SLC35F5: variants seen among roughly 807,000 people sequenced by gnomAD.
SLC35F5 encodes HCV NS5A-transactivated protein 3.
A neutral mutation model predicts 68.6 loss-of-function variants in SLC35F5; 54 were observed. The observed-to-expected ratio is 0.79, with a 90% CI of 0.63 to 0.99. The LOEUF (loss-of-function observed/expected upper bound fraction) is 0.99, where lower values mean the gene tolerates loss of function less well. SLC35F5 is among the 50% of genes least tolerant of loss of function. The probability of loss-of-function intolerance (pLI) is 0.00; values close to 1 mark genes in which losing one functional copy is unlikely to be tolerated. For synonymous variants in SLC35F5, 211 were observed against 205.2 expected (o/e 1.03, Z -0.24); for missense variants, 567 against 626.9 (o/e 0.90, Z 1.02).
In SLC35F5 at chr2:113,735,270, G is replaced by A. The variant is rs572230305; in HGVS notation, c.832+507C>T. On this transcript the variant is annotated intron_variant, in intron 8 of 15. Coordinates refer to ENST00000245680, the MANE Select transcript of SLC35F5 (RefSeq NM_025181.5). ...ACATAAATAGCACAGGCTAAGGCAT[G>A]AAACTACAGTCATGCTTAACAACAG... Among the ~76,000 whole-genome samples the A allele has an allele frequency of 2.0e-5, 3 of 152,194 alleles. 1 individual carries two copies. The highest frequency in any genetic ancestry group is 4.4e-5 in the Non-Finnish European group (3 of 68,024).
chr2:113,704,823 C>T (rs1374609445), downstream of SLC35F5, among the ~76,000 whole-genome samples: 4 of 152,236 alleles, frequency 2.6e-5, no homozygotes, highest in Middle Eastern at 3.4e-3. Context: ...GAGCCGCCTC[C>T]GGCCTCGGCC....
intron 1 of SLC35F5, 34 bp downstream of exon 1, chr2:113,756,336 C>T (rs1386916797): frequency 1.2e-5 from 19 of 1,560,256 alleles, no homozygotes; most frequent in Admixed American, 1.9e-5. Context: ...GGTTTGGGCT[C>T]CGGTGATGTC....
At chr2:113,703,588 T>C (rs187503583), downstream of SLC35F5, 61 of 152,374 alleles carry the variant, frequency 4.0e-4, no homozygotes, top group African/African-American at 1.3e-3. Context: ...TGAGACATTT[T>C]GGCAGTAATT....
rs995361716 is a variant in SLC35F5 at position 113,714,522 on chromosome 2, T to G, written c.*696A>C. The G allele has an allele frequency of 5.3e-5, 8 of 152,156 alleles. No homozygotes were observed. Among genetic ancestry groups the G allele is most frequent in the African/African-American group, 1.9e-4 (8 of 41,456 alleles). The allele number at this position is 152,156 out of a possible 1,614,324, so 9.4% of individuals were successfully genotyped here. ...ATAGCCTTTAGAAATACATATTTCT[T>G]CATTTTATAATAATACTTCCCCTTT... On this transcript the variant is annotated 3_prime_UTR_variant, in exon 16 of 16. Coordinates refer to ENST00000245680, the MANE Select transcript of SLC35F5 (RefSeq NM_025181.5).
chr2:113,707,823 A>G lies in SLC35F5; in HGVS notation c.*7395T>C, dbSNP rs568276412. On this transcript the variant is annotated 3_prime_UTR_variant, in exon 16 of 16. Transcript: ENST00000245680. ...TGATCCACCCGCCTCGGACTCCCAA[A>G]GTGCTGGGATTACAGGTGTGAGCCA... Among the ~76,000 whole-genome samples the G allele has an allele frequency of 1.3e-5, 2 of 152,304 alleles. No homozygotes were observed. The highest frequency in any genetic ancestry group is 6.5e-5 in the Admixed American group (1 of 15,286).
chr2:113,734,519 C>T, intron 9 of SLC35F5, 67 bp downstream of exon 9: 1 of 884,296 alleles, frequency 1.1e-6, no homozygotes, highest in African/African-American at 1.7e-5. Flanking sequence ...TACCCTGGTG[C>T]CACTATCAGA....
Position 113,717,855 on chromosome 2 carries a change from AG to A in SLC35F5, c.1497-6del. ...TGTTCGCTGTCTTCTGGAACTCTTA[AG>A]AAAAAAAAAAGCAGTAATTAAGGAA... is the stretch of plus-strand genomic sequence containing the variant. On this transcript the variant is annotated splice_polypyrimidine_tract_variant and splice_region_variant and intron_variant, in intron 14 of 15. Transcript: ENST00000245680. 1 of 1,596,118 alleles carries A rather than the reference AG, an allele frequency of 6.3e-7. No homozygotes were observed. The highest frequency in any genetic ancestry group is 8.5e-7 in the Non-Finnish European group (1 of 1,169,954).
intron 10 of SLC35F5, among the ~76,000 whole-genome samples, chr2:113,729,888 AT>A (rs1366845118): frequency 6.6e-6 from 1 of 151,970 alleles, no homozygotes; most frequent in Admixed American, 6.6e-5. Flanking sequence ...AACTTAACAA[AT>A]TTTTTTTCCA....
Position 113,711,870 on chromosome 2 carries a change from CTAAT to C in SLC35F5, c.*3344_*3347del, listed in dbSNP as rs1559306193. ...TTGCTAATATGTGGAAAAAAATTTT[CTAAT>C]TAATTCCTCCTTTATCCTTCTTTAA... On this transcript the variant is annotated 3_prime_UTR_variant, in exon 16 of 16. Coordinates refer to ENST00000245680, the MANE Select transcript of SLC35F5 (RefSeq NM_025181.5). Among the ~76,000 whole-genome samples, 1 of 152,142 alleles carries C rather than the reference CTAAT, an allele frequency of 6.6e-6. No individual in the cohort carries two copies. Among genetic ancestry groups the C allele is most frequent in the Admixed American group, 6.5e-5 (1 of 15,274 alleles).
chr2:113,717,857 A>C lies in SLC35F5; in HGVS notation c.1497-7T>G. The C allele has an allele frequency of 2.8e-6, 4 of 1,451,380 alleles. No homozygotes were observed. The highest frequency in any genetic ancestry group is 2.8e-6 in the Non-Finnish European group (3 of 1,063,634). The allele number at this position is 1,451,380 out of a possible 1,614,324, so 89.9% of individuals were successfully genotyped here. A position where few individuals can be genotyped will look rare whatever the true frequency, so the allele number is the denominator to read the frequency against. ...TTCGCTGTCTTCTGGAACTCTTAAG[A>C]AAAAAAAAAGCAGTAATTAAGGAAA... On this transcript the variant is annotated splice_region_variant and splice_polypyrimidine_tract_variant and intron_variant, in intron 14 of 15. Coordinates refer to ENST00000245680, the MANE Select transcript of SLC35F5 (RefSeq NM_025181.5).
chr2:113,742,800 CT>C lies in SLC35F5; in HGVS notation c.641del (p.Lys214SerfsTer9). 1 of 1,614,116 alleles carries C rather than the reference CT, an allele frequency of 6.2e-7. No individual in the cohort carries two copies. On this transcript the variant is annotated frameshift_variant, in exon 7 of 16. Coordinates refer to ENST00000245680, the MANE Select transcript of SLC35F5 (RefSeq NM_025181.5). LOFTEE classifies it high-confidence loss of function. Reference sequence around the variant, plus strand: ...TCACAGGATATGACATGCGAGACAACTTTGCTTCCAATGCATGACTTGACGG... The same window carrying C: ...TCACAGGATATGACATGCGAGACAACTTGCTTCCAATGCATGACTTGACGG... The part of the protein sequence containing the change: ...QLPSSHALEA[K>X]LSRMSYPVKE...
intron 13 of SLC35F5, chr2:113,719,843 A>G (rs1024196797): frequency 6.6e-6 from 1 of 152,206 alleles, no homozygotes; most frequent in Non-Finnish European, 1.5e-5. Flanking sequence ...AATAAATGAA[A>G]AAAGCTCAAA....
At chr2:113,738,255 T>A (rs1171312704) in intron 7 of SLC35F5, among the ~76,000 whole-genome samples, 2 of 152,174 alleles carry the variant, frequency 1.3e-5, no homozygotes, top group Non-Finnish European at 2.9e-5. Context: ...CACGTCCCCA[T>A]TTCCCTACCA....
Position 113,755,423 on chromosome 2 carries a change from A to T in SLC35F5, c.131+31T>A, listed in dbSNP as rs773772358. ...TTTTGTTAGCTAATGTTCAGTGTGAAAGTTACATAGAGGATAAACGTGGAA... is the reference window on the plus strand; with the variant it reads ...TTTTGTTAGCTAATGTTCAGTGTGATAGTTACATAGAGGATAAACGTGGAA... On this transcript the variant is annotated intron_variant, in intron 2 of 15. Coordinates refer to ENST00000245680, the MANE Select transcript of SLC35F5 (RefSeq NM_025181.5). 6 of 1,611,238 alleles carry T rather than the reference A, an allele frequency of 3.7e-6. No homozygotes were observed. The East Asian group carries it at 1.3e-4, about 36-fold the overall frequency.
chr2:113,715,764 A>C (rs75803737), intron 15 of SLC35F5, among the ~76,000 whole-genome samples: 2 of 142,630 alleles, frequency 1.4e-5, no homozygotes, highest in South Asian at 4.3e-4. Flanking sequence ...ATGTTGATGC[A>C]AAAAAAAAAA....
At chr2:113,730,359 T>A (rs936774976) in intron 10 of SLC35F5, among the ~76,000 whole-genome samples, 5 of 151,280 alleles carry the variant, frequency 3.3e-5, no homozygotes, top group African/African-American at 9.8e-5. Flanking sequence ...TTTTATTAAA[T>A]TTTTTTTATT....
rs148407883 is a variant in SLC35F5, at chr2:113,744,550, G to A, written c.481-756C>T. On this transcript the variant is annotated intron_variant, in intron 5 of 15. Coordinates refer to ENST00000245680, the MANE Select transcript of SLC35F5 (RefSeq NM_025181.5). ...GCAGATCACTTGAGGTCGGGAGTTC[G>A]AGACCAGCCTGGCCAACATGGTGAA... Among the ~76,000 whole-genome samples, 434 of 152,164 alleles carry A rather than the reference G, an allele frequency of 2.9e-3. 15 individuals carry two copies. In the East Asian group the frequency reaches 0.065, roughly 23 times the overall value.
intron 14 of SLC35F5, 116 bp from the exon 15 acceptor site, chr2:113,717,966 C>G (rs528750260): frequency 3.3e-6 from 2 of 599,390 alleles, no homozygotes; most frequent in Non-Finnish European, 5.6e-6. Context: ...AGTGGCAGAA[C>G]CAACACTAGG....
intron 3 of SLC35F5, 34 bp downstream of exon 3, chr2:113,755,131 A>C: frequency 6.2e-7 from 1 of 1,604,160 alleles, no homozygotes; most frequent in Non-Finnish European, 8.5e-7. Context: ...TTGTGGCTGT[A>C]ATGTAACATC....
Sources: allele counts gnomAD v4.1 joint callset (sites outside exome capture counted in the v4.1 genomes callset), GRCh38; gene constraint gnomAD v4.1.1; transcripts MANE v1.5; gene names NCBI Gene and HGNC (gene_info 2026-07-23, HGNC 2026-07-21).